The following ZRANB3 variants were observed in gnomAD, a reference collection of about 807,000 sequenced individuals.
The protein encoded by ZRANB3 is DNA annealing helicase and endonuclease ZRANB3.
A neutral mutation model predicts 133.8 loss-of-function variants in ZRANB3; 125 were observed. The observed-to-expected ratio is 0.93, with a 90% CI of 0.81 to 1.08. The LOEUF is 1.08. ZRANB3 is among the 50% of genes least tolerant of loss of function. ZRANB3 has a pLI of 0.00. For synonymous variants in ZRANB3, 387 were observed against 432.7 expected, an observed-to-expected ratio of 0.89 and a Z score of 1.31; for missense variants, 1,229 against 1,275.5, an observed-to-expected ratio of 0.96 and a Z score of 0.56.
chr2:135,484,682 C>T (rs1229830808), intron 2 of ZRANB3, among the ~76,000 whole-genome samples: 1 of 150,654 alleles, frequency 6.6e-6, no homozygotes, highest in Non-Finnish European at 1.5e-5. Context: ...TTTCAAAAAC[C>T]TGTCTTGGTT....
chr2:135,240,144 C>G (rs889802795), intron 12 of ZRANB3, among the ~76,000 whole-genome samples: 2 of 151,936 alleles, frequency 1.3e-5, no homozygotes, highest in African/African-American at 4.8e-5. Context: ...GAGTTCTAGA[C>G]CAGCCTAGGC....
At chr2:135,480,612 T>TTTA (rs913384726) in intron 2 of ZRANB3, among the ~76,000 whole-genome samples, 41 of 151,730 alleles carry the variant, frequency 2.7e-4, no homozygotes, top group South Asian at 1.5e-3. Context: ...TTTTTAATCT[T>TTTA]TTATTATTAT....
rs546295674 is a variant in ZRANB3, at chr2:135,403,120, G to A, written c.162-12300C>T. On this transcript the variant is annotated intron_variant, in intron 2 of 20. Transcript: ENST00000264159. ...GGAAAGTGGGTGCAGGACAGTAGGT[G>A]CAGTGCACCCAGCAGGAGCCGAAGC... 4.7e-4 allele frequency among the ~76,000 whole-genome samples: 71 copies of A among 152,270 alleles called. 1 individual carries two copies. The highest frequency in any genetic ancestry group is 2.9e-3 in the Admixed American group (44 of 15,294).
At chr2:135,450,428 T>C (rs917805337) in intron 2 of ZRANB3, among the ~76,000 whole-genome samples, 1 of 152,112 alleles carries the variant, frequency 6.6e-6, no homozygotes, top group Non-Finnish European at 1.5e-5. Context: ...GTTTCTATTA[T>C]AGATTAGGAA....
chr2:135,443,919 A>C (rs1426384155), intron 2 of ZRANB3, among the ~76,000 whole-genome samples: 1 of 152,204 alleles, frequency 6.6e-6, no homozygotes, highest in Non-Finnish European at 1.5e-5. Flanking sequence ...AGAATATATA[A>C]AGAATTCTTT....
chr2:135,416,244 A>G (rs1387468555), intron 2 of ZRANB3, among the ~76,000 whole-genome samples: 17 of 152,176 alleles, frequency 1.1e-4, no homozygotes, highest in Middle Eastern at 3.4e-3. Context: ...TAAGCTGATA[A>G]GCAACTTCAG....
At chr2:135,267,199 T>C (rs1030688628) in intron 11 of ZRANB3, among the ~76,000 whole-genome samples, 3 of 152,262 alleles carry the variant, frequency 2.0e-5, no homozygotes, top group Non-Finnish European at 4.4e-5. Context: ...AATGAACTTA[T>C]TTCTTATGGA....
chr2:135,473,566 A>T (rs1691373267), intron 2 of ZRANB3, among the ~76,000 whole-genome samples: 1 of 152,090 alleles, frequency 6.6e-6, no homozygotes, highest in African/African-American at 2.4e-5. Context: ...AAAAGATGGA[A>T]AGGAAAAGAA....
intron 2 of ZRANB3, among the ~76,000 whole-genome samples, chr2:135,499,694 T>C (rs914595537): frequency 3.9e-5 from 6 of 152,146 alleles, no homozygotes; most frequent in Non-Finnish European, 7.4e-5. Context: ...AAAATAAAGA[T>C]AGGCAAAATG....
intron 8 of ZRANB3, among the ~76,000 whole-genome samples, chr2:135,286,392 C>T (rs908586053): frequency 8.5e-5 from 13 of 152,328 alleles, no homozygotes; most frequent in East Asian, 1.9e-4. Context: ...ATTCTCCTTC[C>T]TCAACCTCCC....
intron 1 of ZRANB3, among the ~76,000 whole-genome samples, chr2:135,521,074 C>T (rs1693918508): frequency 6.6e-6 from 1 of 152,106 alleles, no homozygotes; most frequent in South Asian, 2.1e-4. Flanking sequence ...ATATAATTAT[C>T]CTCACGTTAA....
intron 12 of ZRANB3, 48 bp from the exon 13 acceptor site, chr2:135,230,975 G>A (rs779620008): frequency 1.8e-5 from 27 of 1,473,168 alleles, no homozygotes; most frequent in Non-Finnish European, 2.0e-5. Context: ...AATCTAATAT[G>A]TTCTTCTTAC....
At chr2:135,401,746 G>A (rs944346708) in intron 2 of ZRANB3, among the ~76,000 whole-genome samples, 7 of 152,194 alleles carry the variant, frequency 4.6e-5, no homozygotes, top group East Asian at 1.9e-4. Context: ...AGGACAAGAA[G>A]ATTGGAAAGG....
intron 1 of ZRANB3, among the ~76,000 whole-genome samples, chr2:135,519,304 G>A (rs1017159984): frequency 6.6e-6 from 1 of 151,980 alleles, no homozygotes; most frequent in East Asian, 1.9e-4. Context: ...AATTTCCCGT[G>A]AATTTACAAT....
intron 2 of ZRANB3, among the ~76,000 whole-genome samples, chr2:135,482,576 A>G (rs966779679): frequency 6.6e-6 from 1 of 151,836 alleles, no homozygotes; most frequent in African/African-American, 2.4e-5. Context: ...GGACAATTTG[A>G]CTTCCTCTTT....
intron 6 of ZRANB3, among the ~76,000 whole-genome samples, chr2:135,341,941 G>A (rs1438789266): frequency 6.7e-6 from 1 of 150,014 alleles, no homozygotes; most frequent in African/African-American, 2.5e-5. Context: ...AGTGGGACAT[G>A]AACTTAATCA....
intron 8 of ZRANB3, among the ~76,000 whole-genome samples, chr2:135,304,491 G>A (rs568962780): frequency 2.8e-4 from 42 of 152,218 alleles, no homozygotes; most frequent in African/African-American, 1.0e-3. Flanking sequence ...CATTCATTAA[G>A]AACACTGACC....
intron 20 of ZRANB3, chr2:135,202,562 T>C (rs1693667814): frequency 1.9e-5 from 5 of 259,006 alleles, no homozygotes; most frequent in Non-Finnish European, 3.7e-5. Context: ...CCGGGTCTCA[T>C]CAAGACAATA....
At chr2:135,254,011 G>A (rs1573766567) in intron 12 of ZRANB3, among the ~76,000 whole-genome samples, 1 of 152,186 alleles carries the variant, frequency 6.6e-6, no homozygotes, top group South Asian at 2.1e-4. Flanking sequence ...GGCATGGCAA[G>A]TGTGAGTTCC....
Sources: gnomAD v4.1 joint callset for allele counts (sites outside exome capture counted in the v4.1 genomes callset) on GRCh38, gnomAD v4.1.1 for gene constraint, MANE v1.5 for transcripts, NCBI Gene and HGNC (gene_info 2026-07-23, HGNC 2026-07-21) for gene names.